Variants in ARSG observed in about 807,000 individuals in gnomAD.
ARSG encodes the protein ASG.
A neutral mutation model predicts 50.5 loss-of-function variants in ARSG; 37 were observed. The ratio of observed to expected loss-of-function variants is 0.73; its 90% CI spans 0.56 to 0.96. The LOEUF (loss-of-function observed/expected upper bound fraction) is 0.96, where lower values mean the gene tolerates loss of function less well. Among genes scored for constraint, ARSG ranks in the 50% least tolerant of loss-of-function variants. The pLI is 0.00. For missense variants in ARSG, 629 were observed against 675.3 expected, an observed-to-expected ratio of 0.93 and a Z score of 0.76; for synonymous variants, 225 against 254.6, an observed-to-expected ratio of 0.88 and a Z score of 1.11.
chr17:68,347,286 A>G (rs530464438), intron 4 of ARSG, 114 bp downstream of exon 4: 3 of 1,241,952 alleles, frequency 2.4e-6, no homozygotes, highest in South Asian at 1.2e-5. Context: ...AAGTTAGGAC[A>G]TCTTTGTTCA....
intron 3 of ARSG, among the ~76,000 whole-genome samples, chr17:68,344,959 G>A (rs1254104287): frequency 2.0e-5 from 3 of 152,138 alleles, no homozygotes. Flanking sequence ...ATCCTTTTAC[G>A]GAAGCTCAAC....
chr17:68,392,844 G>A lies in ARSG; in HGVS notation c.1092-2229G>A, dbSNP rs192425152. Among the ~76,000 whole-genome samples, 261 of 152,260 alleles carry A rather than the reference G, an allele frequency of 1.7e-3. 2 individuals are homozygous for A. Among genetic ancestry groups the A allele is most frequent in the African/African-American group, 5.8e-3 (242 of 41,556 alleles). ...GGACTAAAAGAGCTAAAATAAAGCCGGTGGAATGTTCCACATATCATGGCA... is the reference window on the plus strand; with the variant it reads ...GGACTAAAAGAGCTAAAATAAAGCCAGTGGAATGTTCCACATATCATGGCA... On this transcript the variant is annotated intron_variant, in intron 9 of 11. Transcript: ENST00000621439.
At chr17:68,320,502 GT>G (rs1456636017) in intron 2 of ARSG, among the ~76,000 whole-genome samples, 1 of 152,154 alleles carries the variant, frequency 6.6e-6, no homozygotes, top group Non-Finnish European at 1.5e-5. Context: ...ACTGTCCCAG[GT>G]GCTGGGAACA....
rs1555748824 is a variant in ARSG, at chr17:68,271,590, C to T, written c.-552+12164C>T. On this transcript the variant is annotated intron_variant, in intron 1 of 11. Transcript: ENST00000448504. This position sits in a 1 kb window ranked among gnomAD's most constrained non-coding sequence, Gnocchi z 5.3. ...GTGCTCCGAAGATGACAATGTTTAA[C>T]TGTAGTAGGCCCACGAAGAGGAGGC... 1 of 1,614,152 alleles carries T rather than the reference C, an allele frequency of 6.2e-7. No homozygotes were observed. Among genetic ancestry groups the T allele is most frequent in the Non-Finnish European group, 8.5e-7 (1 of 1,180,006 alleles).
chr17:68,304,584 T>G (rs1411438331), intron 1 of ARSG, among the ~76,000 whole-genome samples: 1 of 152,222 alleles, frequency 6.6e-6, no homozygotes, highest in East Asian at 1.9e-4. Context: ...GATGTACAAC[T>G]GGAAAAAGTG....
At chr17:68,275,411 G>A (rs1410750364) in intron 1 of ARSG, among the ~76,000 whole-genome samples, 1 of 152,096 alleles carries the variant, frequency 6.6e-6, no homozygotes, top group Non-Finnish European at 1.5e-5. Context: ...AGTAATCTTG[G>A]ATGTAGCTCA....
chr17:68,291,613 G>C (rs1428033060), intron 1 of ARSG, 45 bp downstream of exon 1: 3 of 151,284 alleles, frequency 2.0e-5, no homozygotes, highest in Non-Finnish European at 4.4e-5. Context: ...CGCCAGCGCC[G>C]CCGGGGTCCT....
chr17:68,426,833 C>T (rs1167287685), downstream of ARSG, among the ~76,000 whole-genome samples: 1 of 152,210 alleles, frequency 6.6e-6, no homozygotes, highest in Admixed American at 6.5e-5. Context: ...ATGTGCCTGG[C>T]CTCATTGGAA....
intron 1 of ARSG, among the ~76,000 whole-genome samples, chr17:68,302,384 C>G (rs1056282225): frequency 1.3e-5 from 2 of 152,226 alleles, no homozygotes; most frequent in Non-Finnish European, 2.9e-5. Context: ...AAGGTCTGCC[C>G]GACCTTCTTG....
Position 68,271,579 on chromosome 17 carries a change from A to C in ARSG, c.-552+12153A>C, listed in dbSNP as rs367677855. On this transcript the variant is annotated intron_variant, in intron 1 of 11. Coordinates refer to the ARSG transcript ENST00000448504. The surrounding 1 kb of genome is among the most constrained non-coding windows in gnomAD (Gnocchi z 5.3). ...GGGTCTGAGCAGTGCTCCGAAGATGACAATGTTTAACTGTAGTAGGCCCAC... is the reference window on the plus strand; with the variant it reads ...GGGTCTGAGCAGTGCTCCGAAGATGCCAATGTTTAACTGTAGTAGGCCCAC... 2.0e-4 allele frequency: 321 copies of C among 1,614,096 alleles called. No individual in the cohort carries two copies. Among genetic ancestry groups the C allele is most frequent in the Non-Finnish European group, 2.7e-4 (313 of 1,180,038 alleles).
the ARSG span, chr17:68,436,495 C>G: frequency 6.2e-7 from 1 of 1,611,596 alleles, no homozygotes; most frequent in South Asian, 1.1e-5. Context: ...AAAGAAGAAA[C>G]AGAACATGAG....
chr17:68,269,818 T>C (rs1555747873), intron 1 of ARSG, among the ~76,000 whole-genome samples: 1 of 151,718 alleles, frequency 6.6e-6, no homozygotes, highest in Non-Finnish European at 1.5e-5. Flanking sequence ...GGATTAGAGG[T>C]GTCTGCCACC....
intron 10 of ARSG, among the ~76,000 whole-genome samples, chr17:68,396,010 T>TG (rs201371063): frequency 5.1e-4 from 59 of 116,698 alleles, no homozygotes; most frequent in Non-Finnish European, 8.6e-4. Flanking sequence ...CTGTTTTTTT[T>TG]TTTTGTTTTT....
chr17:68,385,174 T>A lies in ARSG; in HGVS notation c.1091+2T>A. 1 of 1,612,966 alleles carries A rather than the reference T, an allele frequency of 6.2e-7. No individual in the cohort carries two copies. On this transcript the variant is annotated splice_donor_variant, in intron 9 of 11. Coordinates refer to ENST00000621439, the MANE Select transcript of ARSG (RefSeq NM_001267727.2). LOFTEE classifies it high-confidence loss of function. ...TGTCACCAGCACTGCCTTGTTAAGG[T>A]ATGAGACCAAAACTACCTTGAGATG...
chr17:68,334,900 G>A (rs147546202), intron 2 of ARSG, among the ~76,000 whole-genome samples: 1,593 of 152,292 alleles, frequency 0.01, 14 homozygotes, highest in Non-Finnish European at 0.016. Flanking sequence ...TATTCTGTTG[G>A]TCACTGCAGT....
downstream of ARSG, among the ~76,000 whole-genome samples, chr17:68,423,812 T>G (rs2082965498): frequency 6.6e-6 from 1 of 152,202 alleles, no homozygotes; most frequent in South Asian, 2.1e-4. The surrounding 1 kb of genome is among the most constrained non-coding windows in gnomAD (Gnocchi z 4.4). Flanking sequence ...AACTACCTCC[T>G]AGATACTAAT....
chr17:68,320,683 A>T (rs1231649851), intron 2 of ARSG, among the ~76,000 whole-genome samples: 1 of 152,088 alleles, frequency 6.6e-6, no homozygotes, highest in Non-Finnish European at 1.5e-5. Context: ...AGCTGTGGGG[A>T]TCCTGAATGA....
chr17:68,270,897 T>G (rs1336668786), intron 1 of ARSG: 1 of 1,614,104 alleles, frequency 6.2e-7, no homozygotes, highest in Non-Finnish European at 8.5e-7. Context: ...AGACCCCAGC[T>G]GCAGAAGACA....
At chr17:68,278,059 C>T (rs782153368) in intron 1 of ARSG, 24 of 1,518,744 alleles carry the variant, frequency 1.6e-5, no homozygotes, top group South Asian at 4.5e-5. Flanking sequence ...CCTATACTTA[C>T]GTCATGGTTA....
Sources: gnomAD v4.1 joint callset for allele counts (sites outside exome capture counted in the v4.1 genomes callset) on GRCh38, gnomAD v4.1.1 for gene constraint, Gnocchi (gnomAD v3.1) non-coding constraint, MANE v1.5 for transcripts, NCBI Gene and HGNC (gene_info 2026-07-23, HGNC 2026-07-21) for gene names.